FAM161A: variants seen among roughly 807,000 people sequenced by gnomAD.
FAM161A encodes the protein protein FAM161A.
FAM161A carries 57 observed loss-of-function variants against 70.9 expected under a neutral mutation model. The ratio of observed to expected loss-of-function variants is 0.80; its 90% confidence interval spans 0.65 to 1.00. The LOEUF (loss-of-function observed/expected upper bound fraction) is 1.00. Among genes scored for constraint, FAM161A ranks in the 50% least tolerant of loss-of-function variants. The probability of loss-of-function intolerance (pLI) is 0.00; values close to 1 mark genes in which losing one functional copy is unlikely to be tolerated. For missense variants in FAM161A, 880 were observed against 836.0 expected, an observed-to-expected ratio of 1.05 and a Z score of -0.65; for synonymous variants, 299 against 295.7, an observed-to-expected ratio of 1.01 and a Z score of -0.12.
At chr2:61,852,883 G>A (rs1423690920) in intron 1 of FAM161A, among the ~76,000 whole-genome samples, 4 of 151,382 alleles carry the variant, frequency 2.6e-5, no homozygotes. Flanking sequence ...TGGACACATG[G>A]TATTAGGAAA....
At chr2:61,851,275 T>C (rs1157231374) in intron 1 of FAM161A, among the ~76,000 whole-genome samples, 2 of 152,234 alleles carry the variant, frequency 1.3e-5, no homozygotes, top group African/African-American at 4.8e-5. Flanking sequence ...ACTTAATAAA[T>C]GTTCAATATT....
intron 1 of FAM161A, among the ~76,000 whole-genome samples, chr2:61,850,403 AT>A (rs1673457074): frequency 6.6e-6 from 1 of 151,834 alleles, no homozygotes; most frequent in South Asian, 2.1e-4. Flanking sequence ...TCTCAAAAAA[AT>A]ATATGTGTGT....
chr2:61,804,863 A>G, the FAM161A span, among the ~76,000 whole-genome samples: 1 of 142,526 alleles, frequency 7.0e-6, no homozygotes, highest in Non-Finnish European at 1.5e-5. Context: ...GGAGGGAGGG[A>G]GGGAGCGAGA....
chr2:61,834,260 CA>C (rs1672689682), intron 5 of FAM161A, among the ~76,000 whole-genome samples: 1 of 152,034 alleles, frequency 6.6e-6, no homozygotes, highest in African/African-American at 2.4e-5. Flanking sequence ...AACGGAAAAC[CA>C]AACATCATAT....
chr2:61,815,880 C>A, the FAM161A span, among the ~76,000 whole-genome samples: 2 of 152,036 alleles, frequency 1.3e-5, no homozygotes, highest in Non-Finnish European at 2.9e-5. Flanking sequence ...CCTCCTTGTC[C>A]ACTGTCTACC....
chr2:61,834,466 T>C (rs920098136), intron 5 of FAM161A, among the ~76,000 whole-genome samples: 8 of 140,654 alleles, frequency 5.7e-5, no homozygotes, highest in East Asian at 2.0e-4. Flanking sequence ...CAATATACCC[T>C]TTTTTTTTTT....
At chr2:61,834,557 A>G (rs1467581230) in intron 5 of FAM161A, among the ~76,000 whole-genome samples, 2 of 151,746 alleles carry the variant, frequency 1.3e-5, no homozygotes, top group Admixed American at 6.6e-5. Context: ...CCGCCTCCCA[A>G]GTTCAAGCAA....
Position 61,840,136 on chromosome 2 carries a change from A to C in FAM161A, c.868T>G (p.Ser290Ala), listed in dbSNP as rs1213608693. The C allele has an allele frequency of 6.2e-7, 1 of 1,614,194 alleles. No individual in the cohort carries two copies. Among genetic ancestry groups the C allele is most frequent in the Non-Finnish European group, 8.5e-7 (1 of 1,180,034 alleles). ...KKFRANPVPA[S>A]VFLPLYHDLV... ...TCATGGTAAAGGGGGAGAAAGACAG[A>C]TGCAGGAACTGGATTGGCTCGGAAT... The change falls in exon 3 of 7, where the codon TCT becomes GCT. Residue 290 changes from serine (S) to alanine (A), a missense_variant. Physicochemically the swap from Ser to Ala is moderately conservative, Grantham distance 99. Coordinates refer to ENST00000404929, the MANE Select transcript of FAM161A (RefSeq NM_001201543.2).
downstream of FAM161A, among the ~76,000 whole-genome samples, chr2:61,822,978 T>C (rs1672235701): frequency 6.6e-6 from 1 of 152,110 alleles, no homozygotes; most frequent in South Asian, 2.1e-4. Context: ...AAATACTGTC[T>C]AAGAGAAAAA....
At position 61,839,617 on chromosome 2, in the gene FAM161A, G is replaced by A. The variant is rs1480208836; in HGVS notation, c.1387C>T (p.Pro463Ser). Residue 463 changes from proline to serine, a missense_variant, in exon 3 of 7, where the codon CCA becomes TCA. Transcript: ENST00000404929. ...TTTTCTCTTTTAATAGATGCATGTGGAGATGCATGAAGATCAAATGGTTTA... is the reference window on the plus strand; with the variant it reads ...TTTTCTCTTTTAATAGATGCATGTGAAGATGCATGAAGATCAAATGGTTTA... ...VCKPFDLHAS[P>S]HASIKREKIL... is the part of the protein sequence containing the mutation. 1.2e-6 allele frequency: 2 copies of A among 1,614,118 alleles called. No homozygotes were observed. Among genetic ancestry groups the A allele is most frequent in the Non-Finnish European group, 1.7e-6 (2 of 1,179,982 alleles).
In FAM161A at chr2:61,838,721, T is replaced by A; in HGVS notation, c.1584-16A>T. The A allele has an allele frequency of 6.4e-7, 1 of 1,571,460 alleles. No individual in the cohort carries two copies. The highest frequency in any genetic ancestry group is 8.6e-7 in the Non-Finnish European group (1 of 1,158,804). On this transcript the variant is annotated splice_polypyrimidine_tract_variant and intron_variant, in intron 3 of 6. Coordinates refer to ENST00000404929, the MANE Select transcript of FAM161A (RefSeq NM_001201543.2). Reference sequence around the variant, plus strand: ...AAGTGATCTCCTGAGGGTAACAAACTAAGGCTTAATCCACTTTAAGCCAAT... The same window carrying A: ...AAGTGATCTCCTGAGGGTAACAAACAAAGGCTTAATCCACTTTAAGCCAAT...
At chr2:61,850,711 C>G (rs560396367) in intron 1 of FAM161A, among the ~76,000 whole-genome samples, 19 of 152,194 alleles carry the variant, frequency 1.2e-4, no homozygotes, top group African/African-American at 4.6e-4. Flanking sequence ...TGTGACTGCA[C>G]CAGTGCATTC....
intron 1 of FAM161A, among the ~76,000 whole-genome samples, chr2:61,846,186 C>T (rs1275007450): frequency 4.0e-5 from 6 of 149,818 alleles, no homozygotes; most frequent in African/African-American, 9.8e-5. Flanking sequence ...AAGGAAATGG[C>T]GTTAGCAAAT....
At chr2:61,852,388 C>T (rs939405226) in intron 1 of FAM161A, among the ~76,000 whole-genome samples, 1 of 152,212 alleles carries the variant, frequency 6.6e-6, no homozygotes, top group Non-Finnish European at 1.5e-5. Context: ...CTCCCACTGG[C>T]AACTCATTTA....
the FAM161A span, among the ~76,000 whole-genome samples, chr2:61,815,146 C>T: frequency 2.6e-5 from 4 of 152,262 alleles, no homozygotes; most frequent in South Asian, 8.3e-4. Context: ...ACCTTAAGTC[C>T]ACACAGCTTC....
intron 4 of FAM161A, among the ~76,000 whole-genome samples, chr2:61,837,630 G>T (rs889241063): frequency 2.0e-5 from 3 of 152,090 alleles, no homozygotes; most frequent in South Asian, 2.1e-4. Flanking sequence ...TTAGCTAGGC[G>T]TGGTGGTGAG....
chr2:61,840,059 T>G lies in FAM161A; in HGVS notation c.945A>C (p.Lys315Asn). ...ERRRSLKEKS[K>N]EALLASQKPF... ...GCTTTTGTGAGGCCAAAAGAGCTTC[T>G]TTGCTTTTCTCCTTCAGAGACCTTC... Residue 315 changes from lysine (K) to asparagine (N), a missense_variant, in exon 3 of 7, where the codon AAA becomes AAC. Coordinates refer to ENST00000404929, the MANE Select transcript of FAM161A (RefSeq NM_001201543.2). The G allele has an allele frequency of 6.2e-7, 1 of 1,614,220 alleles. No individual in the cohort carries two copies. The highest frequency in any genetic ancestry group is 1.1e-5 in the South Asian group (1 of 91,078).
the FAM161A span, among the ~76,000 whole-genome samples, chr2:61,800,537 C>T: frequency 1.3e-5 from 2 of 152,224 alleles, no homozygotes; most frequent in Admixed American, 1.3e-4. Flanking sequence ...ATGAGTCAGG[C>T]AGGAGGAAGA....
intron 5 of FAM161A, among the ~76,000 whole-genome samples, chr2:61,833,120 A>T (rs1572866909): frequency 6.6e-6 from 1 of 152,198 alleles, no homozygotes; most frequent in East Asian, 1.9e-4. Context: ...ACAAGAAAAA[A>T]TTTTTTTAAA....
Sources: allele counts gnomAD v4.1 joint callset (sites outside exome capture counted in the v4.1 genomes callset), GRCh38; gene constraint gnomAD v4.1.1; transcripts MANE v1.5; gene names NCBI Gene and HGNC (gene_info 2026-07-23, HGNC 2026-07-21).